Variants in MICU2 observed in about 807,000 individuals in gnomAD.
MICU2 encodes the protein mitochondrial calcium uptake 2, also known as calcium uptake protein 2, mitochondrial.
MICU2 carries 64 observed loss-of-function variants against 60.4 expected under a neutral mutation model. The observed-to-expected ratio is 1.06, with a 90% CI of 0.87 to 1.31. MICU2 has a LOEUF of 1.31. Ranked by LOEUF, MICU2 falls within the 50% of genes most tolerant of loss-of-function variation. MICU2 has a pLI of 0.00. For missense variants in MICU2, 569 were observed against 531.0 expected, an observed-to-expected ratio of 1.07 and a Z score of -0.70; for synonymous variants, 201 against 175.0, an observed-to-expected ratio of 1.15 and a Z score of -1.17.
intron 11 of MICU2, among the ~76,000 whole-genome samples, chr13:21,493,570 G>A (rs1885915814): frequency 6.6e-6 from 1 of 152,200 alleles, no homozygotes; most frequent in African/African-American, 2.4e-5. Context: ...AGTGGAACCA[G>A]ACTGAGCACA....
intron 9 of MICU2, 62 bp downstream of exon 9, chr13:21,502,864 T>A: frequency 6.8e-7 from 1 of 1,478,328 alleles, no homozygotes; most frequent in Non-Finnish European, 9.2e-7. Flanking sequence ...AGTTACTTTA[T>A]GTAAACATGT....
intron 9 of MICU2, among the ~76,000 whole-genome samples, chr13:21,500,526 C>T (rs1197472042): frequency 6.6e-6 from 1 of 150,762 alleles, no homozygotes; most frequent in African/African-American, 2.4e-5. Context: ...CCAATTCTCC[C>T]GCCTCAGCCT....
rs559663864 is a variant in MICU2 at position 21,511,795 on chromosome 13, T to C, written c.664-1694A>G. ...TATATAAATAGAATCATACAGTTTGTAACTTTCAGGAACTGGCATTTTTTT... is the reference window on the plus strand; with the variant it reads ...TATATAAATAGAATCATACAGTTTGCAACTTTCAGGAACTGGCATTTTTTT... On this transcript the variant is annotated intron_variant, in intron 7 of 11. Coordinates refer to ENST00000382374, the MANE Select transcript of MICU2 (RefSeq NM_152726.3). 1.4e-4 allele frequency among the ~76,000 whole-genome samples: 21 copies of C among 152,244 alleles called. 1 individual carries two copies. The South Asian group carries it at 3.7e-3, about 27-fold the overall frequency.
chr13:21,575,977 TAC>T (rs1285222737), intron 1 of MICU2, among the ~76,000 whole-genome samples: 2 of 152,148 alleles, frequency 1.3e-5, no homozygotes, highest in African/African-American at 2.4e-5. Context: ...CCAACCATCT[TAC>T]AGAGATAAAA....
intron 1 of MICU2, among the ~76,000 whole-genome samples, chr13:21,581,763 T>C (rs1189971249): frequency 6.6e-6 from 1 of 152,124 alleles, no homozygotes; most frequent in Non-Finnish European, 1.5e-5. Context: ...GAAAAGAGCT[T>C]ACCCAACATG....
At chr13:21,517,592 A>G (rs1415274693) in intron 6 of MICU2, among the ~76,000 whole-genome samples, 1 of 152,110 alleles carries the variant, frequency 6.6e-6, no homozygotes, top group African/African-American at 2.4e-5. Context: ...CCTGGCCAAC[A>G]TGGTGAAACC....
chr13:21,573,691 C>G (rs762618510), intron 1 of MICU2, among the ~76,000 whole-genome samples: 1 of 151,508 alleles, frequency 6.6e-6, no homozygotes, highest in Non-Finnish European at 1.5e-5. Context: ...ATGCCTTGAC[C>G]GCTGCATTCA....
At chr13:21,548,409 A>G (rs945832511) in intron 2 of MICU2, among the ~76,000 whole-genome samples, 5 of 152,234 alleles carry the variant, frequency 3.3e-5, no homozygotes, top group Non-Finnish European at 5.9e-5. Flanking sequence ...TTACCTGATG[A>G]GTGTGGTTAA....
chr13:21,501,358 G>A (rs1886148640), intron 9 of MICU2, among the ~76,000 whole-genome samples: 1 of 151,984 alleles, frequency 6.6e-6, no homozygotes, highest in African/African-American at 2.4e-5. Context: ...TGCCTCCAGG[G>A]TTCACACTAT....
chr13:21,515,210 T>C (rs1886540312), intron 6 of MICU2, among the ~76,000 whole-genome samples: 1 of 151,524 alleles, frequency 6.6e-6, no homozygotes, highest in Non-Finnish European at 1.5e-5. Flanking sequence ...GCCTCCCGAG[T>C]AGCTGGGACT....
intron 2 of MICU2, among the ~76,000 whole-genome samples, chr13:21,547,228 A>G (rs1314393195): frequency 6.6e-6 from 1 of 152,214 alleles, no homozygotes; most frequent in African/African-American, 2.4e-5. Context: ...CAAAGGCTCC[A>G]CTTTTGATGG....
chr13:21,520,880 G>A (rs1209845009), intron 6 of MICU2, among the ~76,000 whole-genome samples: 3 of 151,740 alleles, frequency 2.0e-5, no homozygotes, highest in Non-Finnish European at 4.4e-5. Context: ...TTTTTATTAT[G>A]TCTATTCTTT....
chr13:21,512,334 A>C (rs1196520753), intron 7 of MICU2, among the ~76,000 whole-genome samples: 1 of 152,132 alleles, frequency 6.6e-6, no homozygotes, highest in African/African-American at 2.4e-5. Flanking sequence ...AGAGTTCTTT[A>C]TATATACTGA....
At chr13:21,499,710 G>A (rs575692575) in intron 9 of MICU2, among the ~76,000 whole-genome samples, 11 of 151,972 alleles carry the variant, frequency 7.2e-5, no homozygotes, top group Admixed American at 5.9e-4. Flanking sequence ...GTGCCCAGCT[G>A]GGTCTCACGT....
At chr13:21,520,807 T>C (rs771202538) in intron 6 of MICU2, among the ~76,000 whole-genome samples, 58 of 152,200 alleles carry the variant, frequency 3.8e-4, no homozygotes, top group Middle Eastern at 3.4e-3. Context: ...CCTGGAAAAT[T>C]TGCACCAATT....
intron 1 of MICU2, among the ~76,000 whole-genome samples, chr13:21,574,719 T>C (rs538048971): frequency 7.9e-4 from 120 of 152,352 alleles, no homozygotes; most frequent in African/African-American, 2.8e-3. Context: ...ACCTATTCAT[T>C]TGGGGCCTTT....
At chr13:21,575,729 CAAAAAAAAAAAAAAA>C (rs10557584) in intron 1 of MICU2, among the ~76,000 whole-genome samples, 2 of 48,054 alleles carry the variant, frequency 4.2e-5, no homozygotes, top group Non-Finnish European at 7.1e-5. Context: ...GACTCTGTCT[CAAAAAAAAAAAAAAA>C]AAAAAAAAAA....
At chr13:21,534,095 A>T (rs1292348230) in intron 4 of MICU2, among the ~76,000 whole-genome samples, 1 of 151,194 alleles carries the variant, frequency 6.6e-6, no homozygotes, top group African/African-American at 2.4e-5. Context: ...AAAAAAAAAG[A>T]GTTGATGCAT....
intron 2 of MICU2, among the ~76,000 whole-genome samples, chr13:21,548,530 C>CT (rs1887467055): frequency 1.3e-5 from 2 of 152,162 alleles, no homozygotes; most frequent in African/African-American, 2.4e-5. Flanking sequence ...CTCACATTCT[C>CT]TAATTTAATC....
Sources: allele counts gnomAD v4.1 joint callset (sites outside exome capture counted in the v4.1 genomes callset), GRCh38; gene constraint gnomAD v4.1.1; transcripts MANE v1.5; gene names NCBI Gene and HGNC (gene_info 2026-07-23, HGNC 2026-07-21).